FAM162A: variants seen among roughly 807,000 people sequenced by gnomAD.
FAM162A encodes the protein family with sequence similarity 162 member A, also known as protein FAM162A.
Under a neutral mutation model 21.8 loss-of-function variants are expected in FAM162A, and 23 were observed. That is an observed-to-expected ratio of 1.05 (90% CI 0.76 to 1.49). The LOEUF (loss-of-function observed/expected upper bound fraction) is 1.49. Ranked by LOEUF, FAM162A falls within the 40% of genes most tolerant of loss-of-function variation. FAM162A has a pLI of 0.00. For missense variants in FAM162A, 165 were observed against 186.4 expected (o/e 0.89, Z 0.67); for synonymous variants, 53 against 61.3 (o/e 0.86, Z 0.64).
intron 4 of FAM162A, 71 bp downstream of exon 4, chr3:122,407,460 ACC>A: frequency 2.4e-6 from 3 of 1,225,996 alleles, no homozygotes; most frequent in Non-Finnish European, 3.6e-6. Context: ...TCAGGGATTG[ACC>A]CTTGTATTTA....
chr3:122,396,251 A>G (rs913644493), intron 1 of FAM162A, among the ~76,000 whole-genome samples: 10 of 152,158 alleles, frequency 6.6e-5, no homozygotes, highest in Non-Finnish European at 1.5e-4. Flanking sequence ...GTGGGAGACT[A>G]TATTTGCAAA....
chr3:122,400,670 C>CA (rs371655862), intron 1 of FAM162A, among the ~76,000 whole-genome samples: 26,006 of 151,622 alleles, frequency 0.17, 2,423 homozygotes, highest in Middle Eastern at 0.28. Context: ...ACTAAAAATA[C>CA]AAAAAAATTA....
intron 1 of FAM162A, among the ~76,000 whole-genome samples, chr3:122,389,424 TAGATAGATAGATG>T (rs1302730341): frequency 3.5e-5 from 5 of 141,932 alleles, no homozygotes; most frequent in Non-Finnish European, 4.7e-5. Flanking sequence ...GATAGATAGA[TAGATAGATAGATG>T]AGATAGATAG....
intron 3 of FAM162A, among the ~76,000 whole-genome samples, 180 bp from the exon 4 acceptor site, chr3:122,407,101 G>A (rs546590198): frequency 6.6e-6 from 1 of 151,526 alleles, no homozygotes; most frequent in South Asian, 2.1e-4. Flanking sequence ...TACGAAAAAT[G>A]CCTCATCCTC....
rs535344390 is a variant in FAM162A, at chr3:122,395,885, T to C, written c.35-6875T>C. Among the ~76,000 whole-genome samples the C allele has an allele frequency of 7.9e-5, 12 of 152,282 alleles. No individual in the cohort carries two copies. In the South Asian group the frequency reaches 1.7e-3, roughly 21 times the overall value. On this transcript the variant is annotated intron_variant, in intron 1 of 4. Transcript: ENST00000477892. The stretch of plus-strand genomic sequence containing the variant: ...GAATAGAATTGATAGTCCAGAAATA[T>C]ACTCTCATATTTACAGTCAATTGAT...
chr3:122,391,049 G>A (rs145332112), intron 1 of FAM162A, among the ~76,000 whole-genome samples: 1 of 152,292 alleles, frequency 6.6e-6, no homozygotes, highest in African/African-American at 2.4e-5. Flanking sequence ...AATATATTCT[G>A]TCTCTTTGAG....
At chr3:122,398,521 G>C (rs2075639455) in intron 1 of FAM162A, among the ~76,000 whole-genome samples, 1 of 152,232 alleles carries the variant, frequency 6.6e-6, no homozygotes, top group Non-Finnish European at 1.5e-5. Context: ...GAATAGAGGA[G>C]TTTGGAGAAT....
chr3:122,387,942 G>C (rs1445737035), intron 1 of FAM162A, among the ~76,000 whole-genome samples: 1 of 152,124 alleles, frequency 6.6e-6, no homozygotes, highest in Non-Finnish European at 1.5e-5. Context: ...GTCTGAAAAA[G>C]GATATGAGAG....
At position 122,410,650 on chromosome 3, in the gene FAM162A, A is replaced by G. The variant is rs778163504; in HGVS notation, c.*819A>G. On this transcript the variant is annotated 3_prime_UTR_variant, in exon 5 of 5. Coordinates refer to ENST00000477892, the MANE Select transcript of FAM162A (RefSeq NM_014367.4). ...TTCTATTTTAAACATTGATTCTCAC[A>G]TGCTTCTTAATTATTCATGGATGAC... The G allele has an allele frequency of 1.3e-5, 2 of 152,236 alleles. No individual in the cohort carries two copies. Among genetic ancestry groups the G allele is most frequent in the Non-Finnish European group, 2.9e-5 (2 of 68,046 alleles). 9.4% of individuals were successfully genotyped at this position (152,236 alleles called of 1,614,324 possible).
intron 1 of FAM162A, among the ~76,000 whole-genome samples, chr3:122,388,514 GA>G (rs2107694825): frequency 6.6e-6 from 1 of 152,288 alleles, no homozygotes; most frequent in South Asian, 2.1e-4. Flanking sequence ...AGTCCTTCCA[GA>G]GAGTAGCACA....
intron 1 of FAM162A, among the ~76,000 whole-genome samples, chr3:122,398,795 A>G (rs974713148): frequency 6.6e-6 from 1 of 152,238 alleles, no homozygotes; most frequent in African/African-American, 2.4e-5. Context: ...GGAACATTTA[A>G]AAATTATATT....
At chr3:122,409,596 G>A (rs1218269307) in intron 4 of FAM162A, 143 bp from the exon 5 acceptor site, 4 of 690,298 alleles carry the variant, frequency 5.8e-6, no homozygotes, top group Middle Eastern at 2.5e-4. Context: ...GAAGCACATA[G>A]AGGAAACTGC....
chr3:122,386,419 G>A (rs900941430), intron 1 of FAM162A, among the ~76,000 whole-genome samples: 5 of 151,982 alleles, frequency 3.3e-5, no homozygotes, highest in Non-Finnish European at 1.5e-5. Flanking sequence ...TGGGCATGGT[G>A]GCTCAAACCC....
chr3:122,408,454 G>A (rs1375080707), intron 4 of FAM162A, among the ~76,000 whole-genome samples: 1 of 152,154 alleles, frequency 6.6e-6, no homozygotes, highest in Non-Finnish European at 1.5e-5. Context: ...ACTCTTAACT[G>A]ACTTTCTTAT....
At chr3:122,400,197 A>C (rs1313566481) in intron 1 of FAM162A, among the ~76,000 whole-genome samples, 1 of 152,216 alleles carries the variant, frequency 6.6e-6, no homozygotes, top group Non-Finnish European at 1.5e-5. Context: ...CAGCCATAAA[A>C]AGGATGAGTT....
intron 1 of FAM162A, among the ~76,000 whole-genome samples, chr3:122,399,444 C>T (rs1318684974): frequency 6.6e-6 from 1 of 152,164 alleles, no homozygotes; most frequent in East Asian, 1.9e-4. Flanking sequence ...TCTCATGCCT[C>T]AGCTACCCAA....
chr3:122,404,301 G>A lies in FAM162A; in HGVS notation c.201G>A (p.Gln67=). ...RVPLHKPTDW[Q]KKILIWSGRF... ...CTTTACACAAACCTACGGATTGGCAGAAAAAGATCCTCATATGGTCAGGTC... is the reference window on the plus strand; with the variant it reads ...CTTTACACAAACCTACGGATTGGCAAAAAAAGATCCTCATATGGTCAGGTC... Residue 67 remains glutamine (Q), a synonymous_variant, in exon 3 of 5, where the codon CAG becomes CAA. Transcript: ENST00000477892. The A allele has an allele frequency of 6.2e-7, 1 of 1,609,228 alleles. No homozygotes were observed. Among genetic ancestry groups the A allele is most frequent in the Non-Finnish European group, 8.5e-7 (1 of 1,177,820 alleles).
rs1352699820 is a variant in FAM162A at position 122,384,309 on chromosome 3, C to T, written c.34+10C>T. ...CTGCGCCTGGCAGCAGGTGAGACGCCGGTCGGGATATGGGAGGTAGGGGAG... is the reference window on the plus strand; with the variant it reads ...CTGCGCCTGGCAGCAGGTGAGACGCTGGTCGGGATATGGGAGGTAGGGGAG... On this transcript the variant is annotated intron_variant, in intron 1 of 4. Coordinates refer to ENST00000477892, the MANE Select transcript of FAM162A (RefSeq NM_014367.4). 9 of 1,573,636 alleles carry T rather than the reference C, an allele frequency of 5.7e-6. No homozygotes were observed. The highest frequency in any genetic ancestry group is 2.3e-5 in the South Asian group (2 of 85,606).
At chr3:122,406,545 G>A (rs376815327) in intron 3 of FAM162A, among the ~76,000 whole-genome samples, 1 of 152,304 alleles carries the variant, frequency 6.6e-6, no homozygotes, top group South Asian at 2.1e-4. Context: ...AGGCACATGG[G>A]TCTGTATTCA....
Sources: gnomAD v4.1 joint callset for allele counts (sites outside exome capture counted in the v4.1 genomes callset) on GRCh38, gnomAD v4.1.1 for gene constraint, MANE v1.5 for transcripts, NCBI Gene and HGNC (gene_info 2026-07-23, HGNC 2026-07-21) for gene names.